The following SYNE2 variants were observed in gnomAD, a reference collection of about 807,000 sequenced individuals.
SYNE2 encodes the protein spectrin repeat containing nuclear envelope protein 2, also known as nesprin-2.
SYNE2 carries 431 observed loss-of-function variants against 856.3 expected under a neutral mutation model. That is an observed-to-expected ratio of 0.50 (90% CI 0.47 to 0.55). SYNE2 has a LOEUF of 0.55. Ranked by LOEUF, SYNE2 falls within the 20% of genes least tolerant of loss-of-function variation. The pLI, the probability that SYNE2 is intolerant of heterozygous loss-of-function variation, is 0.00. For synonymous variants in SYNE2, 2,923 were observed against 2,872.3 expected, an observed-to-expected ratio of 1.02 and a Z score of -0.56; for missense variants, 8,129 against 8,023.2, an observed-to-expected ratio of 1.01 and a Z score of -0.50.
chr14:64,073,170 C>T (rs1039905224), intron 52 of SYNE2, among the ~76,000 whole-genome samples: 7 of 152,230 alleles, frequency 4.6e-5, no homozygotes, highest in East Asian at 1.9e-4. Context: ...TCTGTCCCCT[C>T]CCCCAGAGGT....
intron 100 of SYNE2, among the ~76,000 whole-genome samples, chr14:64,207,113 A>C (rs1361910403): frequency 6.6e-6 from 1 of 152,200 alleles, no homozygotes; most frequent in Non-Finnish European, 1.5e-5. Flanking sequence ...CAGGGTGGCC[A>C]AGTGGAAAAC....
At chr14:64,083,422 A>G (rs1486287261) in intron 57 of SYNE2, among the ~76,000 whole-genome samples, 1 of 151,650 alleles carries the variant, frequency 6.6e-6, no homozygotes, top group Non-Finnish European at 1.5e-5. Context: ...AAAACTGTAC[A>G]AAAGTGAGCT....
At chr14:63,796,696 T>C (rs189217858) in intron 1 of SYNE2, among the ~76,000 whole-genome samples, 210 of 151,274 alleles carry the variant, frequency 1.4e-3, no homozygotes, top group Non-Finnish European at 2.3e-3. Flanking sequence ...GCAATATATA[T>C]ACAAAAAAGA....
chr14:64,148,720 C>G (rs1567463547), intron 84 of SYNE2, among the ~76,000 whole-genome samples: 1 of 152,050 alleles, frequency 6.6e-6, no homozygotes, highest in Non-Finnish European at 1.5e-5. Context: ...AGGCCATAAA[C>G]AAGGCCAAGA....
Position 64,055,941 on chromosome 14 carries a change from T to C in SYNE2, c.9745-3T>C. 6.2e-7 allele frequency: 1 copy of C among 1,612,574 alleles called. No individual in the cohort carries two copies. On this transcript the variant is annotated splice_polypyrimidine_tract_variant and splice_region_variant and intron_variant, in intron 48 of 115. Coordinates refer to ENST00000555002, the MANE Select transcript of SYNE2 (RefSeq NM_182914.3). Reference sequence around the variant, plus strand: ...TCACAGCATTTAATCTCCTATTCACTAGAATGTCTTGAATGATGCTTATGA... The same window carrying C: ...TCACAGCATTTAATCTCCTATTCACCAGAATGTCTTGAATGATGCTTATGA...
At chr14:64,029,207 A>G (rs72718380) in intron 43 of SYNE2, among the ~76,000 whole-genome samples, 3,418 of 152,326 alleles carry the variant, frequency 0.022, 63 homozygotes, top group South Asian at 0.07. Context: ...AGAAGTGTTT[A>G]TAATTCTTTG....
chr14:64,130,841 C>T (rs541145441), intron 76 of SYNE2, among the ~76,000 whole-genome samples: 3 of 150,206 alleles, frequency 2.0e-5, no homozygotes, highest in Admixed American at 6.7e-5. Flanking sequence ...GCTGAGATCA[C>T]GCCCCTGCAC....
rs762273610 is a variant in SYNE2 at position 64,027,787 on chromosome 14, A to C, written c.6708A>C (p.Gln2236His). ...IKHLHESLLQ[Q>H]LQDSVQNLDG... ...ATCTACACGAAAGTCTTCTTCAACAACTGCAGGTGAGGTGGTCAAAATAAT... is the reference window on the plus strand; with the variant it reads ...ATCTACACGAAAGTCTTCTTCAACACCTGCAGGTGAGGTGGTCAAAATAAT... The change falls in exon 43 of 116, where the codon CAA becomes CAC. Residue 2236 changes from glutamine (Q) to histidine (H), a missense_variant. Gln to His is a conservative substitution (Grantham distance 24). This residue lies in a region of SYNE2 where 297 missense variants were observed against 380.9 expected (regional missense o/e 0.78). Transcript: ENST00000555002. 37 of 1,613,566 alleles carry C rather than the reference A, an allele frequency of 2.3e-5. No homozygotes were observed. Among genetic ancestry groups the C allele is most frequent in the Middle Eastern group, 1.6e-4 (1 of 6,082 alleles).
At chr14:63,862,501 G>T (rs1894010610) in intron 1 of SYNE2, among the ~76,000 whole-genome samples, 2 of 152,184 alleles carry the variant, frequency 1.3e-5, no homozygotes, top group Admixed American at 1.3e-4. Flanking sequence ...CTCCTAAGGG[G>T]CTGGGATTAG....
chr14:64,203,491 C>T (rs1345128826), intron 100 of SYNE2, among the ~76,000 whole-genome samples: 4 of 152,196 alleles, frequency 2.6e-5, no homozygotes, highest in Non-Finnish European at 5.9e-5. Flanking sequence ...TGAGCCAACC[C>T]TGGAAATTGG....
intron 1 of SYNE2, among the ~76,000 whole-genome samples, chr14:63,810,515 A>G (rs1480262916): frequency 6.6e-6 from 1 of 152,164 alleles, no homozygotes; most frequent in Non-Finnish European, 1.5e-5. Flanking sequence ...AAAACTTGGG[A>G]TCATACCACT....
chr14:64,114,123 G>A (rs1443066330), intron 66 of SYNE2, among the ~76,000 whole-genome samples: 2 of 152,078 alleles, frequency 1.3e-5, no homozygotes, highest in African/African-American at 2.4e-5. Flanking sequence ...CAGCATAAAA[G>A]GGCTTTGCAA....
intron 33 of SYNE2, among the ~76,000 whole-genome samples, chr14:64,017,382 G>T (rs1385827917): frequency 6.8e-6 from 1 of 147,188 alleles, no homozygotes; most frequent in Non-Finnish European, 1.5e-5. Context: ...GATTTCAATT[G>T]CATATAAGCT....
intron 100 of SYNE2, among the ~76,000 whole-genome samples, chr14:64,208,449 G>A (rs2098620210): frequency 6.6e-6 from 1 of 152,186 alleles, no homozygotes; most frequent in Non-Finnish European, 1.5e-5. Context: ...TGGGGCGATG[G>A]GCTCTCAACA....
chr14:64,009,572 A>G (rs554565222), intron 31 of SYNE2, among the ~76,000 whole-genome samples: 19 of 151,696 alleles, frequency 1.3e-4, no homozygotes, highest in African/African-American at 4.3e-4. Context: ...GAATAGATAT[A>G]TAAACACCCT....
Position 64,134,100 on chromosome 14 carries a change from C to T in SYNE2, c.14546C>T (p.Ser4849Phe). ...GAAGAATTTGATGAAAACTATGCATCTCTTGAAAAGGACCTGGAAATTCTT... is the reference window on the plus strand; with the variant it reads ...GAAGAATTTGATGAAAACTATGCATTTCTTGAAAAGGACCTGGAAATTCTT... Reference protein sequence around the residue: ...KWEEFDENYASLEKDLEILIS... With the variant: ...KWEEFDENYAFLEKDLEILIS... The change falls in exon 78 of 116, where the codon TCT (serine) becomes TTT (phenylalanine). Residue 4849 changes from serine (S) to phenylalanine (F), a missense_variant. By Grantham distance (155) the Ser-to-Phe change is radical. Coordinates refer to ENST00000555002, the MANE Select transcript of SYNE2 (RefSeq NM_182914.3). 1 of 1,614,042 alleles carries T rather than the reference C, an allele frequency of 6.2e-7. No homozygotes were observed. The highest frequency in any genetic ancestry group is 2.2e-5 in the East Asian group (1 of 44,872).
intron 92 of SYNE2, 31 bp from the exon 93 acceptor site, chr14:64,168,846 G>C (rs759123896): frequency 7.0e-7 from 1 of 1,420,252 alleles, no homozygotes; most frequent in Non-Finnish European, 1.0e-6. Flanking sequence ...AATTTTACTA[G>C]CTGATATTTT....
intron 1 of SYNE2, among the ~76,000 whole-genome samples, chr14:63,776,145 T>G (rs1887098221): frequency 6.6e-6 from 1 of 152,222 alleles, no homozygotes; most frequent in South Asian, 2.1e-4. Context: ...CCTACTGCTC[T>G]GATGAACAGG....
intron 57 of SYNE2, among the ~76,000 whole-genome samples, chr14:64,085,877 G>T (rs915953967): frequency 6.6e-6 from 1 of 152,056 alleles, no homozygotes; most frequent in Non-Finnish European, 1.5e-5. Flanking sequence ...TTGTTGAGTT[G>T]TAAGTTTTTT....
Sources: gnomAD v4.1 joint callset for allele counts (sites outside exome capture counted in the v4.1 genomes callset) on GRCh38, gnomAD v4.1.1 for gene constraint, gnomAD v4.1.1 regional missense constraint, MANE v1.5 for transcripts, NCBI Gene and HGNC (gene_info 2026-07-23, HGNC 2026-07-21) for gene names.